The following TENM3 variants were observed in gnomAD, a reference collection of about 807,000 sequenced individuals.
TENM3 encodes the protein teneurin-3.
In TENM3, 63 loss-of-function variants were observed where a neutral mutation model predicts 255.1. The ratio of observed to expected loss-of-function variants is 0.25; its 90% CI spans 0.20 to 0.30. TENM3 has a LOEUF of 0.30. Ranked by LOEUF, TENM3 falls within the 10% of genes least tolerant of loss-of-function variation. TENM3 has a pLI of 1.00. For missense variants in TENM3, 2,929 were observed against 3,461.1 expected, an observed-to-expected ratio of 0.85 and a Z score of 3.86; for synonymous variants, 1,306 against 1,322.3, an observed-to-expected ratio of 0.99 and a Z score of 0.27.
At position 182,294,340 on chromosome 4, in the gene TENM3, G is replaced by A. The variant is rs1470723684; in HGVS notation, c.-75-29606G>A. Among the ~76,000 whole-genome samples, 4 of 152,028 alleles carry A rather than the reference G, an allele frequency of 2.6e-5. No individual in the cohort carries two copies. In the East Asian group the frequency reaches 7.7e-4, roughly 29 times the overall value. ...CTAGATCCCAGGTGGAAGATTCTAG[G>A]GCCACCCCACAGCAGCAACTGTGGC... On this transcript the variant is annotated intron_variant, in intron 1 of 27. Coordinates refer to ENST00000511685, the MANE Select transcript of TENM3 (RefSeq NM_001080477.4).
the TENM3 span, among the ~76,000 whole-genome samples, chr4:182,138,385 A>C: frequency 6.6e-6 from 1 of 152,212 alleles, no homozygotes; most frequent in Non-Finnish European, 1.5e-5. Flanking sequence ...AACCCAGGTT[A>C]ATGTCGAAAA....
At chr4:182,710,198 G>A (rs1451660751) in intron 12 of TENM3, among the ~76,000 whole-genome samples, 1 of 152,104 alleles carries the variant, frequency 6.6e-6, no homozygotes, top group East Asian at 1.9e-4. Flanking sequence ...AAGAATTTCT[G>A]TAGAAATACT....
the TENM3 span, among the ~76,000 whole-genome samples, chr4:181,711,488 A>G: frequency 6.6e-6 from 1 of 152,200 alleles, no homozygotes; most frequent in Non-Finnish European, 1.5e-5. Context: ...CTATTTGAAA[A>G]TGTCAAATAG....
intron 3 of TENM3, among the ~76,000 whole-genome samples, chr4:182,399,412 A>T (rs1769075622): frequency 6.6e-6 from 1 of 152,322 alleles, no homozygotes; most frequent in Non-Finnish European, 1.5e-5. Flanking sequence ...AGCTGCTAGC[A>T]GTGGCTACCT....
At chr4:182,079,339 AC>A in the TENM3 span, among the ~76,000 whole-genome samples, 1 of 152,012 alleles carries the variant, frequency 6.6e-6, no homozygotes, top group East Asian at 1.9e-4. Flanking sequence ...ACACGGTGAA[AC>A]CCTGTCTCTA....
chr4:181,582,929 G>C, the TENM3 span, among the ~76,000 whole-genome samples: 1 of 152,038 alleles, frequency 6.6e-6, no homozygotes, highest in Non-Finnish European at 1.5e-5. Context: ...ACTTATTCTA[G>C]ACATGCTTAT....
chr4:181,926,855 C>T, the TENM3 span, among the ~76,000 whole-genome samples: 17 of 151,656 alleles, frequency 1.1e-4, no homozygotes, highest in Middle Eastern at 3.4e-3. Flanking sequence ...GTGCAGACCA[C>T]GGAAGGCAAG....
the TENM3 span, among the ~76,000 whole-genome samples, chr4:182,042,764 C>T: frequency 6.6e-6 from 1 of 152,180 alleles, no homozygotes; most frequent in African/African-American, 2.4e-5. Flanking sequence ...GTTTAGAGGG[C>T]ATGCATACAT....
chr4:182,009,787 T>G, the TENM3 span, among the ~76,000 whole-genome samples: 1 of 152,186 alleles, frequency 6.6e-6, no homozygotes, highest in Admixed American at 6.5e-5. Context: ...GCTGAGAGGC[T>G]GTAAAAATCT....
At chr4:182,348,777 CAT>C (rs1217926572) in intron 3 of TENM3, among the ~76,000 whole-genome samples, 2 of 152,056 alleles carry the variant, frequency 1.3e-5, no homozygotes, top group Non-Finnish European at 2.9e-5. Context: ...GATCCCCAAA[CAT>C]ATGTATTTTT....
At chr4:182,488,408 A>G (rs1328211558) in intron 3 of TENM3, among the ~76,000 whole-genome samples, 2 of 152,216 alleles carry the variant, frequency 1.3e-5, no homozygotes, top group African/African-American at 4.8e-5. Context: ...GAGTGACTAA[A>G]TATAGCAGGA....
intron 12 of TENM3, chr4:182,711,642 ATCTC>A: frequency 7.2e-6 from 6 of 838,950 alleles, no homozygotes; most frequent in Non-Finnish European, 8.6e-6. Context: ...CTACATATAT[ATCTC>A]TATATAACTG....
chr4:181,702,092 G>A, the TENM3 span, among the ~76,000 whole-genome samples: 1 of 152,186 alleles, frequency 6.6e-6, no homozygotes, highest in Admixed American at 6.5e-5. Flanking sequence ...ACTGAACAGT[G>A]CACACTATGG....
chr4:182,777,542 T>TGTGTGTGTG (rs1579462907), intron 24 of TENM3, among the ~76,000 whole-genome samples: 1 of 137,054 alleles, frequency 7.3e-6, no homozygotes, highest in Non-Finnish European at 1.5e-5. Context: ...TGTGTGTGTG[T>TGTGTGTGTG]ATTTCTTTTT....
chr4:181,491,566 G>A, the TENM3 span, among the ~76,000 whole-genome samples: 1 of 151,910 alleles, frequency 6.6e-6, no homozygotes, highest in Non-Finnish European at 1.5e-5. Context: ...ACAGAGTAAG[G>A]AACAGGTAGT....
At chr4:182,310,386 C>T (rs528753501) in intron 1 of TENM3, among the ~76,000 whole-genome samples, 1 of 152,184 alleles carries the variant, frequency 6.6e-6, no homozygotes, top group South Asian at 2.1e-4. Flanking sequence ...TTCTGTCAGT[C>T]ACTGAGGTCT....
intron 3 of TENM3, among the ~76,000 whole-genome samples, chr4:182,464,334 G>A (rs1296229727): frequency 1.3e-5 from 2 of 152,098 alleles, no homozygotes; most frequent in Non-Finnish European, 2.9e-5. Flanking sequence ...TTGGCTCACT[G>A]CAACCTCCGC....
the TENM3 span, among the ~76,000 whole-genome samples, chr4:181,466,266 C>A: frequency 4.0e-5 from 6 of 151,858 alleles, no homozygotes; most frequent in Admixed American, 3.9e-4. Context: ...TACAGGCATG[C>A]AACACCACAC....
At chr4:181,597,527 A>T in the TENM3 span, among the ~76,000 whole-genome samples, 1 of 152,122 alleles carries the variant, frequency 6.6e-6, no homozygotes, top group African/African-American at 2.4e-5. Flanking sequence ...TCAAGCATTA[A>T]CATATCTAAG....
Sources: gnomAD v4.1 joint callset for allele counts (sites outside exome capture counted in the v4.1 genomes callset) on GRCh38, gnomAD v4.1.1 for gene constraint, MANE v1.5 for transcripts, NCBI Gene and HGNC (gene_info 2026-07-23, HGNC 2026-07-21) for gene names.